VTI1A: variants seen among roughly 807,000 people sequenced by gnomAD.
VTI1A encodes the protein vesicle transport through interaction with t-SNAREs 1A, also known as vesicle transport through interaction with t-SNAREs homolog 1A.
Under a neutral mutation model 34.9 loss-of-function variants are expected in VTI1A, and 22 were observed. The observed-to-expected ratio is 0.63, with a 90% CI of 0.45 to 0.90. The LOEUF is 0.90. Ranked by LOEUF, VTI1A falls within the 40% of genes least tolerant of loss-of-function variation. The probability of loss-of-function intolerance (pLI) is 0.00; values close to 1 mark genes in which losing one functional copy is unlikely to be tolerated. For missense variants in VTI1A, 268 were observed against 275.6 expected, an observed-to-expected ratio of 0.97 and a Z score of 0.20; for synonymous variants, 87 against 97.3, an observed-to-expected ratio of 0.89 and a Z score of 0.62.
chr10:112,480,027 TTAGCGTACA>T (rs1848411134), intron 3 of VTI1A, among the ~76,000 whole-genome samples: 1 of 152,228 alleles, frequency 6.6e-6, no homozygotes, highest in Non-Finnish European at 1.5e-5. Flanking sequence ...AGTATTGACT[TTAGCGTACA>T]TACCTAAAGA....
At chr10:112,713,033 G>A (rs1422537691) in intron 7 of VTI1A, among the ~76,000 whole-genome samples, 3 of 152,064 alleles carry the variant, frequency 2.0e-5, no homozygotes, top group Non-Finnish European at 4.4e-5. Context: ...ATAGGACCCC[G>A]TTCTAGCTTT....
At chr10:112,831,011 G>A in the VTI1A span, among the ~76,000 whole-genome samples, 6 of 150,184 alleles carry the variant, frequency 4.0e-5, no homozygotes, top group South Asian at 2.1e-4. Context: ...CACCATGCCC[G>A]GCTAATTTTT....
At chr10:112,606,490 A>G (rs117448095) in intron 5 of VTI1A, among the ~76,000 whole-genome samples, 1,756 of 152,306 alleles carry the variant, frequency 0.012, 17 homozygotes, top group Non-Finnish European at 0.019. Context: ...AAGTGGGGCA[A>G]GTCACCATAA....
At chr10:112,803,525 C>A (rs1453883608) in intron 7 of VTI1A, among the ~76,000 whole-genome samples, 1 of 152,226 alleles carries the variant, frequency 6.6e-6, no homozygotes, top group Non-Finnish European at 1.5e-5. Context: ...GACGTGGGGC[C>A]GGAAGGCCTG....
chr10:112,745,315 G>A (rs541485186), intron 7 of VTI1A, among the ~76,000 whole-genome samples: 1 of 152,154 alleles, frequency 6.6e-6, no homozygotes, highest in Non-Finnish European at 1.5e-5. Flanking sequence ...AAGTTTTTAA[G>A]ATTGTTGTCA....
In VTI1A at chr10:112,815,374, A is replaced by G. The variant is rs1853488312; in HGVS notation, c.645A>G (p.Arg215=). ...TILMAITFSV[R]RH ...TGATGGCGATCACTTTTTCTGTCAG[A>G]AGACACTGATGTATCTGCTCTCCCT... The change falls in exon 8 of 8, where the codon AGA becomes AGG. Residue 215 remains arginine, a synonymous_variant. Transcript: ENST00000393077. 6.2e-7 allele frequency: 1 copy of G among 1,613,364 alleles called. No individual in the cohort carries two copies. The highest frequency in any genetic ancestry group is 8.5e-7 in the Non-Finnish European group (1 of 1,179,556).
intron 7 of VTI1A, among the ~76,000 whole-genome samples, chr10:112,673,309 C>T (rs1395066501): frequency 6.8e-6 from 1 of 147,614 alleles, no homozygotes; most frequent in Non-Finnish European, 1.5e-5. Context: ...GAGTGAGACT[C>T]CATCTCAAAA....
intron 3 of VTI1A, among the ~76,000 whole-genome samples, chr10:112,502,024 CTTTTTTTTTT>C (rs71489973): frequency 1.7e-5 from 2 of 119,352 alleles, no homozygotes; most frequent in Non-Finnish European, 3.5e-5. Context: ...AGAATCCTTA[CTTTTTTTTTT>C]TTTTTTTTTT....
intron 5 of VTI1A, among the ~76,000 whole-genome samples, chr10:112,559,385 A>C (rs977790616): frequency 6.6e-6 from 1 of 152,206 alleles, no homozygotes; most frequent in Non-Finnish European, 1.5e-5. Flanking sequence ...TGACTAATAA[A>C]TATAGGCTGT....
intron 3 of VTI1A, chr10:112,484,922 G>GT (rs1848568871): frequency 6.6e-6 from 1 of 151,778 alleles, no homozygotes; most frequent in Admixed American, 6.6e-5. Flanking sequence ...ATGTGTTACA[G>GT]TAAGTGTTTT....
chr10:112,528,405 C>A (rs1025949169), intron 4 of VTI1A, among the ~76,000 whole-genome samples: 2 of 151,940 alleles, frequency 1.3e-5, no homozygotes, highest in African/African-American at 4.8e-5. Flanking sequence ...ACCTCCTCCA[C>A]TATTTGGATG....
intron 5 of VTI1A, among the ~76,000 whole-genome samples, chr10:112,543,812 G>C (rs1850962863): frequency 6.6e-6 from 1 of 152,104 alleles, no homozygotes; most frequent in Non-Finnish European, 1.5e-5. Flanking sequence ...TATGGATTTA[G>C]GTCTACATTT....
intron 3 of VTI1A, among the ~76,000 whole-genome samples, chr10:112,488,531 A>G (rs1464900330): frequency 6.6e-6 from 1 of 152,210 alleles, no homozygotes; most frequent in Non-Finnish European, 1.5e-5. Flanking sequence ...TAATAATATT[A>G]TTGAGCTGAT....
intron 3 of VTI1A, among the ~76,000 whole-genome samples, chr10:112,501,130 C>G (rs972129249): frequency 6.6e-6 from 1 of 152,138 alleles, no homozygotes; most frequent in African/African-American, 2.4e-5. Context: ...TCATTACTAA[C>G]ACAATGTCTG....
chr10:112,677,966 T>C (rs752382555), intron 7 of VTI1A: 1 of 152,250 alleles, frequency 6.6e-6, no homozygotes, highest in African/African-American at 2.4e-5. Context: ...GAATAGTCTT[T>C]GGAAGAATGC....
the VTI1A span, among the ~76,000 whole-genome samples, chr10:112,828,812 G>T: frequency 6.8e-6 from 1 of 147,764 alleles, no homozygotes; most frequent in East Asian, 2.0e-4. Context: ...AGGAATTCAA[G>T]ACCAGCCTGA....
chr10:112,743,400 G>A (rs1296060258), intron 7 of VTI1A, among the ~76,000 whole-genome samples: 1 of 152,134 alleles, frequency 6.6e-6, no homozygotes, highest in African/African-American at 2.4e-5. Context: ...GGAGGTACTC[G>A]TAACAAAAGG....
intron 5 of VTI1A, among the ~76,000 whole-genome samples, chr10:112,577,387 C>T (rs528022083): frequency 2.5e-4 from 38 of 152,226 alleles, no homozygotes; most frequent in Admixed American, 2.3e-3. Flanking sequence ...GTCAAGCTTT[C>T]CCTAATATCT....
Position 112,791,917 on chromosome 10 carries a change from A to T in VTI1A, c.561-23373A>T, listed in dbSNP as rs1037255865. On this transcript the variant is annotated intron_variant, in intron 7 of 7. Coordinates refer to ENST00000393077, the MANE Select transcript of VTI1A (RefSeq NM_145206.4). ...TGTGTTGCATAGCAGGGGAAAAGAG[A>T]TGCTGGGATTGCGTAGTTAGAATAG... 4.6e-5 allele frequency among the ~76,000 whole-genome samples: 7 copies of T among 152,118 alleles called. No homozygotes were observed. The East Asian group carries it at 9.7e-4, about 21-fold the overall frequency.
Sources: allele counts gnomAD v4.1 joint callset (sites outside exome capture counted in the v4.1 genomes callset), GRCh38; gene constraint gnomAD v4.1.1; transcripts MANE v1.5; gene names NCBI Gene and HGNC (gene_info 2026-07-23, HGNC 2026-07-21).